The following NSUN7 variants were observed in gnomAD, a reference collection of about 807,000 sequenced individuals.
NSUN7 encodes protein NSUN7.
A neutral mutation model predicts 58.5 loss-of-function variants in NSUN7; 39 were observed. The observed-to-expected ratio is 0.67, with a 90% CI of 0.52 to 0.87. The LOEUF is 0.87. Ranked by LOEUF, NSUN7 falls within the 40% of genes least tolerant of loss-of-function variation. The pLI is 0.00. For missense variants in NSUN7, 765 were observed against 844.1 expected, an observed-to-expected ratio of 0.91 and a Z score of 1.16; for synonymous variants, 278 against 303.7, an observed-to-expected ratio of 0.92 and a Z score of 0.88.
chr4:40,807,410 G>A (rs907332909), intron 11 of NSUN7, among the ~76,000 whole-genome samples: 20 of 149,446 alleles, frequency 1.3e-4, no homozygotes, highest in African/African-American at 4.0e-4. Context: ...GTGCAGTGGC[G>A]TGATCTCGGC....
intron 7 of NSUN7, among the ~76,000 whole-genome samples, chr4:40,778,325 C>T (rs1014296966): frequency 6.6e-6 from 1 of 152,216 alleles, no homozygotes; most frequent in Non-Finnish European, 1.5e-5. Flanking sequence ...ATTCAAGAAG[C>T]CTTGTAAAAG....
At position 40,774,365 on chromosome 4, in the gene NSUN7, C is replaced by G; in HGVS notation, c.589C>G (p.Leu197Val). Reference sequence around the variant, plus strand: ...TCCAGAAACAGTTAGGAAACAGGAACTAAGGGCCTCCACTTTACCACTTTA... The same window carrying G: ...TCCAGAAACAGTTAGGAAACAGGAAGTAAGGGCCTCCACTTTACCACTTTA... ...ILPETVRKQE[L>V]RASTLPLYAW... The change falls in exon 5 of 12, where the codon CTA becomes GTA. Residue 197 changes from leucine to valine, a missense_variant. Coordinates refer to ENST00000381782, the MANE Select transcript of NSUN7 (RefSeq NM_024677.6). 1 of 1,613,968 alleles carries G rather than the reference C, an allele frequency of 6.2e-7. No individual in the cohort carries two copies. Among genetic ancestry groups the G allele is most frequent in the East Asian group, 2.2e-5 (1 of 44,866 alleles).
chr4:40,750,720 GT>G lies in NSUN7; in HGVS notation c.31del (p.Ser11ArgfsTer57), dbSNP rs1560541794. 1 of 1,613,800 alleles carries G rather than the reference GT, an allele frequency of 6.2e-7. No homozygotes were observed. Among genetic ancestry groups the G allele is most frequent in the Admixed American group, 1.7e-5 (1 of 60,024 alleles). On this transcript the variant is annotated frameshift_variant, in exon 2 of 12. Coordinates refer to ENST00000381782, the MANE Select transcript of NSUN7 (RefSeq NM_024677.6). LOFTEE classifies it high-confidence loss of function. MLNSTGELE[F>X]SNEEDPEIIS... ...TGCTGAATTCCACGGGCGAACTGGA[GT>G]TTTCGAACGAAGAAGATCCCGAGAT...
chr4:40,750,792 A>G lies in NSUN7; in HGVS notation c.99A>G (p.Ser33=), dbSNP rs1740784460. 6.2e-7 allele frequency: 1 copy of G among 1,613,552 alleles called. No individual in the cohort carries two copies. The highest frequency in any genetic ancestry group is 8.5e-7 in the Non-Finnish European group (1 of 1,179,594). ...TGCCTCTGTCCGGTGGGAAAAGCTC[A>G]GCTGGTGTGCCCGAAAAAACGGGCT... ...TSLPLSGGKS[S]AGVPEKTGYP... The change falls in exon 2 of 12, where the codon TCA becomes TCG. Residue 33 remains serine (S), a synonymous_variant. Transcript: ENST00000381782.
intron 9 of NSUN7, among the ~76,000 whole-genome samples, chr4:40,796,042 C>T (rs868838910): frequency 6.6e-6 from 1 of 152,182 alleles, no homozygotes; most frequent in African/African-American, 2.4e-5. Flanking sequence ...CCCTCTAAGA[C>T]TCACAGCCTT....
chr4:40,761,408 GA>G (rs1379485252), intron 4 of NSUN7, 107 bp downstream of exon 4: 11 of 849,246 alleles, frequency 1.3e-5, no homozygotes, highest in African/African-American at 5.4e-5. Context: ...ATTTTATAGG[GA>G]AAAATATAAA....
In NSUN7 at chr4:40,794,482, G is replaced by T. The variant is rs1447774679; in HGVS notation, c.1282+6G>T. ...GCTAACACATGCAATGAAATGTAAG[G>T]TTGTCATAGGCACCATCTTGTTAAA... On this transcript the variant is annotated splice_donor_region_variant and intron_variant, in intron 9 of 11. Transcript: ENST00000381782. 1 of 1,531,080 alleles carries T rather than the reference G, an allele frequency of 6.5e-7. No individual in the cohort carries two copies. Among genetic ancestry groups the T allele is most frequent in the Non-Finnish European group, 9.0e-7 (1 of 1,106,774 alleles). 94.8% of individuals were successfully genotyped at this position (1,531,080 alleles called of 1,614,324 possible).
intron 7 of NSUN7, among the ~76,000 whole-genome samples, chr4:40,782,025 ACAAG>A (rs754920805): frequency 1.3e-5 from 2 of 152,210 alleles, no homozygotes; most frequent in African/African-American, 2.4e-5. Flanking sequence ...ATTGTCCAGA[ACAAG>A]CAAACCTTCT....
chr4:40,763,986 T>A (rs1560547760), intron 4 of NSUN7, among the ~76,000 whole-genome samples: 1 of 152,180 alleles, frequency 6.6e-6, no homozygotes, highest in East Asian at 1.9e-4. Context: ...AGAAGAATAG[T>A]AGCACATTGC....
intron 8 of NSUN7, among the ~76,000 whole-genome samples, chr4:40,792,619 CG>C (rs1302102412): frequency 6.6e-6 from 1 of 152,072 alleles, no homozygotes; most frequent in African/African-American, 2.4e-5. Context: ...GGCGAGGTGG[CG>C]GGCGCCTGTA....
chr4:40,794,272 CTT>C, intron 8 of NSUN7, 101 bp from the exon 9 acceptor site: 3 of 530,378 alleles, frequency 5.7e-6, no homozygotes, highest in Non-Finnish European at 9.9e-6. Flanking sequence ...CCATGAAACA[CTT>C]TTATTGGTAG....
chr4:40,792,556 C>A (rs1191356280), intron 8 of NSUN7, among the ~76,000 whole-genome samples: 1 of 152,032 alleles, frequency 6.6e-6, no homozygotes, highest in African/African-American at 2.4e-5. Flanking sequence ...TCGAGACCAT[C>A]CTGGCTAACA....
In NSUN7 at chr4:40,792,745, A is replaced by G. The variant is rs559250215; in HGVS notation, c.1181-1630A>G. Among the ~76,000 whole-genome samples the G allele has an allele frequency of 5.2e-5, 7 of 134,978 alleles. No homozygotes were observed. In the South Asian group the frequency reaches 7.5e-4, roughly 14 times the overall value. The allele number at this position is 134,978 out of a possible 152,430, so 88.6% of individuals were successfully genotyped here. ...CCAGCCTGGGCGACAGCAAGACTCC[A>G]TCTCATTTAAAAAAAAAAAAGTTGT... On this transcript the variant is annotated intron_variant, in intron 8 of 11. Transcript: ENST00000381782.
At chr4:40,757,314 T>G (rs570556753) in intron 2 of NSUN7, among the ~76,000 whole-genome samples, 1 of 152,168 alleles carries the variant, frequency 6.6e-6, no homozygotes, top group South Asian at 2.1e-4. Context: ...TGTTGGATAA[T>G]TTTGCCCAAC....
chr4:40,806,721 T>C (rs1743819246), intron 10 of NSUN7, among the ~76,000 whole-genome samples: 1 of 152,248 alleles, frequency 6.6e-6, no homozygotes, highest in African/African-American at 2.4e-5. Flanking sequence ...CTGTGATTAA[T>C]GTACATATTT....
intron 2 of NSUN7, among the ~76,000 whole-genome samples, chr4:40,751,333 G>A (rs1408170219): frequency 2.6e-5 from 4 of 151,792 alleles, no homozygotes; most frequent in South Asian, 4.2e-4. Context: ...TTATTGTCTG[G>A]GCTGGTCTCA....
intron 4 of NSUN7, among the ~76,000 whole-genome samples, chr4:40,764,873 GTCT>G (rs1741640462): frequency 6.6e-6 from 1 of 152,126 alleles, no homozygotes; most frequent in South Asian, 2.1e-4. Flanking sequence ...CTGCATAAAT[GTCT>G]TCTTTTGAGA....
At chr4:40,766,825 C>T (rs1423991091) in intron 4 of NSUN7, among the ~76,000 whole-genome samples, 20 of 150,574 alleles carry the variant, frequency 1.3e-4, no homozygotes, top group Admixed American at 2.7e-4. Context: ...GTGTATGTGT[C>T]GAGGAATTTA....
rs764248263 is a variant in NSUN7 at position 40,772,421 on chromosome 4, T to C, written c.489-1844T>C. ...GCATTAATGTACTATGTCATTTTTT[T>C]AGTATCCACTGCCATAGTTCTGTGA... On this transcript the variant is annotated intron_variant, in intron 4 of 11. Coordinates refer to ENST00000381782, the MANE Select transcript of NSUN7 (RefSeq NM_024677.6). Among the ~76,000 whole-genome samples, 4 of 152,222 alleles carry C rather than the reference T, an allele frequency of 2.6e-5. No homozygotes were observed. In the South Asian group the frequency reaches 8.3e-4, roughly 32 times the overall value.
Sources: gnomAD v4.1 joint callset for allele counts (sites outside exome capture counted in the v4.1 genomes callset) on GRCh38, gnomAD v4.1.1 for gene constraint, MANE v1.5 for transcripts, NCBI Gene and HGNC (gene_info 2026-07-23, HGNC 2026-07-21) for gene names.